RGS17: variants seen among roughly 807,000 people sequenced by gnomAD.
RGS17 encodes the protein regulator of G protein signaling 17, also known as regulator of G-protein signaling 17.
Under a neutral mutation model 25.5 loss-of-function variants are expected in RGS17, and 12 were observed. That is an observed-to-expected ratio of 0.47 (90% CI 0.30 to 0.76). The LOEUF (loss-of-function observed/expected upper bound fraction) is 0.76. RGS17 is among the 30% of genes least tolerant of loss of function. RGS17 has a pLI of 0.07. For synonymous variants in RGS17, 71 were observed against 76.9 expected, an observed-to-expected ratio of 0.92 and a Z score of 0.40; for missense variants, 196 against 242.2, an observed-to-expected ratio of 0.81 and a Z score of 1.27.
intron 2 of RGS17, among the ~76,000 whole-genome samples, chr6:153,032,971 T>C (rs1406813335): frequency 6.6e-6 from 1 of 152,192 alleles, no homozygotes; most frequent in Non-Finnish European, 1.5e-5. Context: ...AGGTAGGAAA[T>C]ATTTTTAATT....
At chr6:153,122,179 G>A (rs2129127045) in intron 1 of RGS17, among the ~76,000 whole-genome samples, 1 of 152,140 alleles carries the variant, frequency 6.6e-6, no homozygotes, top group South Asian at 2.1e-4. Context: ...TCTCAAGTAT[G>A]TATCCTTTCT....
chr6:153,067,145 G>T (rs1776721901), intron 1 of RGS17, among the ~76,000 whole-genome samples: 1 of 151,814 alleles, frequency 6.6e-6, no homozygotes, highest in Non-Finnish European at 1.5e-5. Flanking sequence ...AAAAAACCGG[G>T]TATAGAAGAA....
At chr6:153,039,880 G>A (rs535527123) in intron 2 of RGS17, among the ~76,000 whole-genome samples, 39 of 152,306 alleles carry the variant, frequency 2.6e-4, no homozygotes, top group African/African-American at 8.2e-4. Context: ...GGCAGTTTGA[G>A]AGGAGCCTTC....
At position 153,036,684 on chromosome 6, in the gene RGS17, TG is replaced by T. The variant is rs1207886658; in HGVS notation, c.119+7215del. Among the ~76,000 whole-genome samples, 8 of 152,308 alleles carry T rather than the reference TG, an allele frequency of 5.3e-5. No homozygotes were observed. The East Asian group carries it at 1.5e-3, about 29-fold the overall frequency. On this transcript the variant is annotated intron_variant, in intron 2 of 4. Transcript: ENST00000206262. ...CCTATTGCAGTGTCCTCTCATTTGA[TG>T]GGATCACCAGCAACCCAGCTACTCA... is the stretch of plus-strand genomic sequence containing the variant.
At chr6:153,042,541 G>T (rs1448787562) in intron 2 of RGS17, among the ~76,000 whole-genome samples, 1 of 152,158 alleles carries the variant, frequency 6.6e-6, no homozygotes, top group African/African-American at 2.4e-5. Context: ...CAGCCCTGTG[G>T]AACTGTGAGT....
intron 1 of RGS17, among the ~76,000 whole-genome samples, chr6:153,092,691 AT>A (rs1353464211): frequency 6.6e-6 from 1 of 152,184 alleles, no homozygotes; most frequent in African/African-American, 2.4e-5. Flanking sequence ...AGGTCAGAAC[AT>A]TGCTCACAAA....
At chr6:153,054,008 ACG>A (rs200857349) in intron 1 of RGS17, among the ~76,000 whole-genome samples, 6,656 of 53,154 alleles carry the variant, frequency 0.13, 1,511 homozygotes, top group African/African-American at 0.21. Flanking sequence ...ATACATATAT[ACG>A]TATATATGTA....
In RGS17 at chr6:153,010,005, T is replaced by A. The variant is rs1266337001; in HGVS notation, c.*1569A>T. The A allele has an allele frequency of 6.6e-6, 1 of 151,870 alleles. No homozygotes were observed. The highest frequency in any genetic ancestry group is 2.4e-5 in the African/African-American group (1 of 41,418). The allele number at this position is 151,870 out of a possible 1,614,324, so 9.4% of individuals were successfully genotyped here. A position where few individuals can be genotyped will look rare whatever the true frequency, so the allele number is the denominator to read the frequency against. On this transcript the variant is annotated 3_prime_UTR_variant, in exon 5 of 5. Coordinates refer to ENST00000206262, the MANE Select transcript of RGS17 (RefSeq NM_012419.5). ...AAAGAAACCCCCAAACTTGTTTTTT[T>A]AAAAAATATGTTTAATAAATTAAAA...
chr6:153,123,243 T>C (rs1363750693), intron 1 of RGS17, among the ~76,000 whole-genome samples: 6 of 152,108 alleles, frequency 3.9e-5, no homozygotes, highest in Admixed American at 3.3e-4. Flanking sequence ...AATTACTGTA[T>C]GGTAGTGCTG....
chr6:153,086,572 A>G (rs1306608317), intron 1 of RGS17, among the ~76,000 whole-genome samples: 3 of 152,206 alleles, frequency 2.0e-5, no homozygotes, highest in Non-Finnish European at 4.4e-5. Context: ...GTGCTTACAC[A>G]CCATTATTAC....
intron 1 of RGS17, among the ~76,000 whole-genome samples, chr6:153,124,245 C>T (rs774112965): frequency 6.6e-6 from 1 of 152,148 alleles, no homozygotes; most frequent in Non-Finnish European, 1.5e-5. Context: ...ATGTGAACTC[C>T]TTGTGGAAAG....
intron 1 of RGS17, among the ~76,000 whole-genome samples, chr6:153,069,913 G>A (rs1002789252): frequency 6.6e-6 from 1 of 152,042 alleles, no homozygotes; most frequent in Non-Finnish European, 1.5e-5. Flanking sequence ...TTAATATAAT[G>A]TATTCTCAGC....
At chr6:153,045,553 A>G (rs1166111275) in intron 1 of RGS17, among the ~76,000 whole-genome samples, 2 of 152,190 alleles carry the variant, frequency 1.3e-5, no homozygotes, top group Non-Finnish European at 2.9e-5. Flanking sequence ...CTGCTTCAAG[A>G]CTAAGGGTCT....
chr6:153,031,346 G>A (rs1392146892), intron 2 of RGS17, among the ~76,000 whole-genome samples: 1 of 152,234 alleles, frequency 6.6e-6, no homozygotes, highest in African/African-American at 2.4e-5. Flanking sequence ...GGAAGGGCAA[G>A]TTGGTTGCAT....
intron 1 of RGS17, among the ~76,000 whole-genome samples, chr6:153,119,535 C>CA (rs1288814967): frequency 4.6e-5 from 7 of 151,658 alleles, no homozygotes; most frequent in African/African-American, 7.3e-5. Flanking sequence ...ACTAAAAATA[C>CA]AAAAAAAATT....
At chr6:153,028,212 AG>A (rs980775243) in intron 2 of RGS17, among the ~76,000 whole-genome samples, 9 of 152,180 alleles carry the variant, frequency 5.9e-5, no homozygotes, top group Admixed American at 4.6e-4. Flanking sequence ...TTCTAGGGAC[AG>A]GGGCAGGTTT....
chr6:153,022,509 A>G (rs1002071356), intron 4 of RGS17, among the ~76,000 whole-genome samples: 8 of 152,198 alleles, frequency 5.3e-5, no homozygotes, highest in Admixed American at 2.6e-4. Flanking sequence ...TCATTTTAAG[A>G]TGCTACAAAT....
chr6:153,070,158 C>A (rs933842295), intron 1 of RGS17, among the ~76,000 whole-genome samples: 3 of 152,024 alleles, frequency 2.0e-5, no homozygotes, highest in African/African-American at 7.2e-5. Flanking sequence ...CAGCTATTCC[C>A]AACCTCCCAC....
At chr6:153,021,283 T>G (rs1779245492) in intron 4 of RGS17, among the ~76,000 whole-genome samples, 1 of 152,200 alleles carries the variant, frequency 6.6e-6, no homozygotes, top group Admixed American at 6.5e-5. Context: ...TCTCTCAATC[T>G]GACATGTGCT....
Sources: allele counts gnomAD v4.1 joint callset (sites outside exome capture counted in the v4.1 genomes callset), GRCh38; gene constraint gnomAD v4.1.1; transcripts MANE v1.5; gene names NCBI Gene and HGNC (gene_info 2026-07-23, HGNC 2026-07-21).